The following CDC42SE2 variants were observed in gnomAD, a reference collection of about 807,000 sequenced individuals.
CDC42SE2 encodes CDC42 small effector 2, also known as CDC42 small effector protein 2.
A neutral mutation model predicts 11.5 loss-of-function variants in CDC42SE2; 3 were observed. That is an observed-to-expected ratio of 0.26 (90% CI 0.12 to 0.67). The LOEUF is 0.67. Ranked by LOEUF, CDC42SE2 falls within the 30% of genes least tolerant of loss-of-function variation. The probability of loss-of-function intolerance (pLI) is 0.80; values close to 1 mark genes in which losing one functional copy is unlikely to be tolerated. For synonymous variants in CDC42SE2, 33 were observed against 34.8 expected (o/e 0.95, Z 0.18); for missense variants, 82 against 106.8 (o/e 0.77, Z 1.02).
At chr5:131,277,885 C>A (rs1757136575) in intron 1 of CDC42SE2, among the ~76,000 whole-genome samples, 1 of 152,130 alleles carries the variant, frequency 6.6e-6, no homozygotes, top group Non-Finnish European at 1.5e-5. Context: ...TAGGGACTTC[C>A]TTTGTCTTAT....
chr5:131,319,819 A>G (rs1015387058), intron 2 of CDC42SE2, among the ~76,000 whole-genome samples: 15 of 152,116 alleles, frequency 9.9e-5, no homozygotes, highest in African/African-American at 3.6e-4. Flanking sequence ...TGGGAGGCCG[A>G]GGCAGGCGGA....
At position 131,385,586 on chromosome 5, in the gene CDC42SE2, C is replaced by A; in HGVS notation, c.98C>A (p.Thr33Lys). ...RIDRSMIGEP[T>K]NFVHTAHVGS... ...GACAGAAGTATGATTGGAGAGCCCA[C>A]AAACTTTGTGCATACAGCTCATGTT... The change falls in exon 4 of 5, where the codon ACA becomes AAA. Residue 33 changes from threonine to lysine, a missense_variant. Physicochemically the swap from Thr to Lys is moderately conservative, Grantham distance 78. Coordinates refer to ENST00000505065, the MANE Select transcript of CDC42SE2 (RefSeq NM_001375635.1). The A allele has an allele frequency of 6.2e-7, 1 of 1,613,876 alleles. No homozygotes were observed. The highest frequency in any genetic ancestry group is 8.5e-7 in the Non-Finnish European group (1 of 1,179,848).
upstream of CDC42SE2, among the ~76,000 whole-genome samples, chr5:131,262,167 G>GT (rs111700927): frequency 0.17 from 23,819 of 144,160 alleles, 4,582 homozygotes; most frequent in African/African-American, 0.47. Flanking sequence ...GAATTTTCTG[G>GT]TTTTTTTTTT....
chr5:131,256,254 G>C (rs1756679085), intron 2 of CDC42SE2, among the ~76,000 whole-genome samples: 1 of 152,154 alleles, frequency 6.6e-6, no homozygotes, highest in Admixed American at 6.5e-5. Context: ...TCCCTCCCCT[G>C]TATAATCATA....
intron 1 of CDC42SE2, among the ~76,000 whole-genome samples, chr5:131,301,541 C>T (rs778651418): frequency 1.5e-4 from 23 of 151,876 alleles, no homozygotes; most frequent in Non-Finnish European, 2.6e-4. Context: ...AGGCAGATCA[C>T]GAGGTCAGGA....
intron 2 of CDC42SE2, 45 bp from the exon 3 acceptor site, chr5:131,359,164 T>C (rs1291528493): frequency 4.8e-6 from 1 of 206,538 alleles, no homozygotes; most frequent in African/African-American, 2.3e-5. Context: ...CTTTCAAGGA[T>C]AAGTAAAGTT....
At chr5:131,386,203 C>A (rs978742105) in intron 4 of CDC42SE2, among the ~76,000 whole-genome samples, 2 of 152,204 alleles carry the variant, frequency 1.3e-5, no homozygotes, top group Admixed American at 1.3e-4. Flanking sequence ...GAGTCCACAA[C>A]CAAATCCTTG....
chr5:131,248,505 T>C (rs1166974691), intron 1 of CDC42SE2, among the ~76,000 whole-genome samples: 1 of 152,130 alleles, frequency 6.6e-6, no homozygotes, highest in Non-Finnish European at 1.5e-5. Flanking sequence ...TAATCTTCAT[T>C]GGTGGTCCTA....
At chr5:131,294,912 G>C (rs573840175) in intron 1 of CDC42SE2, among the ~76,000 whole-genome samples, 1 of 152,094 alleles carries the variant, frequency 6.6e-6, no homozygotes, top group Non-Finnish European at 1.5e-5. Flanking sequence ...CGGGTCATGA[G>C]GTCAGGAGAT....
chr5:131,349,427 C>G (rs1388838757), intron 2 of CDC42SE2, among the ~76,000 whole-genome samples: 1 of 152,130 alleles, frequency 6.6e-6, no homozygotes, highest in Non-Finnish European at 1.5e-5. Flanking sequence ...CAACATGGCA[C>G]ATGTATACAT....
intron 1 of CDC42SE2, among the ~76,000 whole-genome samples, chr5:131,312,177 C>T (rs1341084518): frequency 6.6e-6 from 1 of 151,678 alleles, no homozygotes; most frequent in African/African-American, 2.4e-5. Context: ...GGACCCTCAG[C>T]TGCCGGTCTG....
intron 1 of CDC42SE2, among the ~76,000 whole-genome samples, chr5:131,291,862 A>G (rs910707577): frequency 5.4e-4 from 82 of 152,296 alleles, no homozygotes; most frequent in African/African-American, 1.9e-3. Context: ...ACAAGGTTGT[A>G]CATATGTAGA....
intron 1 of CDC42SE2, among the ~76,000 whole-genome samples, chr5:131,277,330 C>T (rs965128287): frequency 3.9e-5 from 6 of 152,096 alleles, no homozygotes; most frequent in African/African-American, 4.8e-5. Flanking sequence ...TCATAATGTT[C>T]TGTTTAGATT....
At chr5:131,378,071 T>G (rs1750207387) in intron 3 of CDC42SE2, among the ~76,000 whole-genome samples, 1 of 152,220 alleles carries the variant, frequency 6.6e-6, no homozygotes, top group Admixed American at 6.5e-5. Context: ...ATACAATGTT[T>G]TAAGTACTAT....
At chr5:131,327,838 C>G (rs897992728) in intron 2 of CDC42SE2, among the ~76,000 whole-genome samples, 1 of 152,156 alleles carries the variant, frequency 6.6e-6, no homozygotes, top group African/African-American at 2.4e-5. Context: ...GATATACATA[C>G]AAACACCATA....
chr5:131,268,054 C>CTT (rs148354795), intron 1 of CDC42SE2, among the ~76,000 whole-genome samples: 1,622 of 65,460 alleles, frequency 0.025, 312 homozygotes, highest in African/African-American at 0.085. Context: ...CATGCTTATT[C>CTT]TTTTTTTTTT....
the CDC42SE2 span, among the ~76,000 whole-genome samples, chr5:131,216,707 C>T: frequency 6.6e-6 from 1 of 151,986 alleles, no homozygotes; most frequent in Non-Finnish European, 1.5e-5. Flanking sequence ...TGCAAACATC[C>T]CTAACCTTCA....
intron 1 of CDC42SE2, among the ~76,000 whole-genome samples, chr5:131,311,704 C>T (rs371824082): frequency 2.6e-5 from 4 of 152,308 alleles, no homozygotes; most frequent in East Asian, 3.9e-4. Context: ...CATCTTCCAT[C>T]GCTGATACCC....
chr5:131,293,813 A>G (rs1319207219), intron 1 of CDC42SE2, among the ~76,000 whole-genome samples: 2 of 152,198 alleles, frequency 1.3e-5, no homozygotes, highest in African/African-American at 2.4e-5. Flanking sequence ...ACAGTTTGTC[A>G]ACAGTCATTT....
Sources: allele counts gnomAD v4.1 joint callset (sites outside exome capture counted in the v4.1 genomes callset), GRCh38; gene constraint gnomAD v4.1.1; transcripts MANE v1.5; gene names NCBI Gene and HGNC (gene_info 2026-07-23, HGNC 2026-07-21).